Variants in FAM13A observed in about 807,000 individuals in gnomAD.
The protein encoded by FAM13A is family with sequence similarity 13 member A.
In FAM13A, 76 loss-of-function variants were observed where a neutral mutation model predicts 129.6. The observed-to-expected ratio is 0.59, with a 90% CI of 0.49 to 0.71. The LOEUF is 0.71. FAM13A is among the 30% of genes least tolerant of loss of function. FAM13A has a pLI of 0.00. For missense variants in FAM13A, 1,108 were observed against 1,249.3 expected, an observed-to-expected ratio of 0.89 and a Z score of 1.70; for synonymous variants, 443 against 449.9, an observed-to-expected ratio of 0.98 and a Z score of 0.20.
intron 6 of FAM13A, among the ~76,000 whole-genome samples, chr4:88,885,466 T>A (rs551188915): frequency 6.6e-6 from 1 of 152,274 alleles, no homozygotes; most frequent in Admixed American, 6.5e-5. Context: ...TGTAGAAGAA[T>A]GAAACCAGAT....
intron 4 of FAM13A, among the ~76,000 whole-genome samples, chr4:88,979,117 A>G (rs1761305637): frequency 6.6e-6 from 1 of 152,224 alleles, no homozygotes; most frequent in East Asian, 1.9e-4. Flanking sequence ...TAAACATGTT[A>G]ACCTTACAGT....
chr4:88,763,929 A>T (rs372711051), intron 13 of FAM13A, among the ~76,000 whole-genome samples: 2 of 152,342 alleles, frequency 1.3e-5, no homozygotes, highest in South Asian at 4.1e-4. Context: ...AATTTGAAGT[A>T]AATAGAGCTT....
intron 6 of FAM13A, among the ~76,000 whole-genome samples, chr4:88,870,488 G>A (rs978065910): frequency 5.3e-5 from 8 of 152,190 alleles, no homozygotes; most frequent in African/African-American, 1.2e-4. Context: ...TATACCCCGC[G>A]CCTGGCTTGG....
At chr4:88,862,482 G>A (rs1418657520) in intron 6 of FAM13A, among the ~76,000 whole-genome samples, 1 of 152,152 alleles carries the variant, frequency 6.6e-6, no homozygotes, top group Non-Finnish European at 1.5e-5. Context: ...ATGCTAAAGG[G>A]TTTGACCTTT....
At chr4:88,774,880 G>T (rs1721371612) in intron 11 of FAM13A, among the ~76,000 whole-genome samples, 1 of 152,174 alleles carries the variant, frequency 6.6e-6, no homozygotes, top group Non-Finnish European at 1.5e-5. Flanking sequence ...AATCAGATGG[G>T]ACTCTTGAAT....
At chr4:88,801,913 C>T (rs756659621) in intron 8 of FAM13A, among the ~76,000 whole-genome samples, 5 of 151,784 alleles carry the variant, frequency 3.3e-5, no homozygotes, top group African/African-American at 7.3e-5. Context: ...CACTGAAATC[C>T]GAACTCAGGC....
intron 3 of FAM13A, among the ~76,000 whole-genome samples, chr4:89,018,877 C>T (rs1349527421): frequency 6.6e-6 from 1 of 152,232 alleles, no homozygotes; most frequent in Non-Finnish European, 1.5e-5. Context: ...CAGGGCTCTG[C>T]CTTGTGACTG....
chr4:88,816,645 T>C (rs1439165048), intron 7 of FAM13A, among the ~76,000 whole-genome samples: 1 of 152,224 alleles, frequency 6.6e-6, no homozygotes, highest in African/African-American at 2.4e-5. Flanking sequence ...TGAATGACAA[T>C]AGACTCTTCC....
At chr4:88,731,789 G>GT (rs1737863709) in intron 22 of FAM13A, 4 of 531,372 alleles carry the variant, frequency 7.5e-6, no homozygotes, top group Non-Finnish European at 9.9e-6. Context: ...AGAACTTCTG[G>GT]TTGTTTAAAC....
intron 7 of FAM13A, among the ~76,000 whole-genome samples, chr4:88,812,595 T>C (rs1729873299): frequency 6.6e-6 from 1 of 152,176 alleles, no homozygotes; most frequent in Non-Finnish European, 1.5e-5. Context: ...TCAAGTGTCA[T>C]CTAATCTGGG....
At chr4:88,888,691 C>T (rs1490309129) in intron 6 of FAM13A, among the ~76,000 whole-genome samples, 6 of 151,512 alleles carry the variant, frequency 4.0e-5, no homozygotes, top group South Asian at 2.1e-4. Flanking sequence ...TTTGGGAGGC[C>T]GAGGCGGGCG....
At chr4:88,799,758 C>T (rs1260090241) in intron 8 of FAM13A, among the ~76,000 whole-genome samples, 2 of 152,222 alleles carry the variant, frequency 1.3e-5, no homozygotes, top group East Asian at 3.9e-4. Flanking sequence ...GCTGGGATTA[C>T]AGGCGTGAGC....
chr4:88,989,511 A>C (rs1762686585), intron 4 of FAM13A: 1 of 152,396 alleles, frequency 6.6e-6, no homozygotes, highest in Non-Finnish European at 1.5e-5. Flanking sequence ...CTGAAGTGGG[A>C]GGACTGCTTG....
At chr4:88,984,629 C>G (rs1416617301) in intron 4 of FAM13A, among the ~76,000 whole-genome samples, 1 of 152,042 alleles carries the variant, frequency 6.6e-6, no homozygotes, top group Non-Finnish European at 1.5e-5. Flanking sequence ...AAGATATTAA[C>G]AAGGATGTAG....
intron 10 of FAM13A, among the ~76,000 whole-genome samples, chr4:88,783,575 C>A (rs571124905): frequency 6.6e-6 from 1 of 152,144 alleles, no homozygotes; most frequent in East Asian, 1.9e-4. Flanking sequence ...TGAGCCACTG[C>A]GCCCAGCCCC....
At chr4:88,924,522 C>T (rs1291042209) in intron 5 of FAM13A, among the ~76,000 whole-genome samples, 7 of 152,226 alleles carry the variant, frequency 4.6e-5, no homozygotes, top group Middle Eastern at 3.4e-3. Context: ...TGAAACTGGA[C>T]CCCTTCTTTA....
intron 4 of FAM13A, among the ~76,000 whole-genome samples, chr4:88,980,785 T>C (rs1761560977): frequency 6.6e-6 from 1 of 152,228 alleles, no homozygotes; most frequent in African/African-American, 2.4e-5. Flanking sequence ...TAACAGCAGT[T>C]AGCAGATAAA....
chr4:88,972,033 T>C (rs1002949844), intron 4 of FAM13A, among the ~76,000 whole-genome samples: 6 of 152,126 alleles, frequency 3.9e-5, no homozygotes, highest in African/African-American at 7.2e-5. Flanking sequence ...TACGTGAGCA[T>C]ACATAAACAC....
chr4:89,013,477 A>T (rs1465239994), intron 3 of FAM13A, among the ~76,000 whole-genome samples: 1 of 148,768 alleles, frequency 6.7e-6, no homozygotes, highest in Admixed American at 6.8e-5. Flanking sequence ...AGCTTACATA[A>T]CTAGTAGTTG....
Sources: allele counts gnomAD v4.1 joint callset (sites outside exome capture counted in the v4.1 genomes callset), GRCh38; gene constraint gnomAD v4.1.1; transcripts MANE v1.5; gene names NCBI Gene and HGNC (gene_info 2026-07-23, HGNC 2026-07-21).